DLGAP2: variants seen among roughly 807,000 people sequenced by gnomAD.
DLGAP2 encodes disks large-associated protein 2.
DLGAP2 carries 26 observed loss-of-function variants against 100.3 expected under a neutral mutation model. The ratio of observed to expected loss-of-function variants is 0.26; its 90% CI spans 0.19 to 0.36. The LOEUF (loss-of-function observed/expected upper bound fraction) is 0.36. DLGAP2 is among the 10% of genes least tolerant of loss of function. DLGAP2 has a pLI of 1.00. For synonymous variants in DLGAP2, 886 were observed against 630.1 expected (o/e 1.41, Z -6.08); for missense variants, 1,858 against 1,453.2 (o/e 1.28, Z -4.53).
intron 2 of DLGAP2, among the ~76,000 whole-genome samples, chr8:943,708 C>T (rs531212320): frequency 6.6e-5 from 10 of 152,134 alleles, no homozygotes; most frequent in Admixed American, 4.6e-4. Context: ...GGCATGTAGA[C>T]GTCGTGATGT....
intron 2 of DLGAP2, among the ~76,000 whole-genome samples, chr8:1,003,579 C>G (rs1483325658): frequency 2.0e-5 from 3 of 152,220 alleles, no homozygotes; most frequent in Non-Finnish European, 4.4e-5. Context: ...GCCACTGTTC[C>G]TGATGGCCAA....
In DLGAP2 at chr8:1,322,411, C is replaced by T. The variant is rs113491685; in HGVS notation, c.106+63528C>T. ...CATGGAAATGCATGTACCCACCCGG[C>T]GTGCTGGATCCTGCTTCTGTGACTT... On this transcript the variant is annotated intron_variant, in intron 3 of 14. Coordinates refer to ENST00000637795, the MANE Select transcript of DLGAP2 (RefSeq NM_001346810.2). Among the ~76,000 whole-genome samples the T allele has an allele frequency of 2.3e-3, 343 of 152,342 alleles. 2 individuals are homozygous for T. The highest frequency in any genetic ancestry group is 7.1e-3 in the African/African-American group (296 of 41,576).
intron 4 of DLGAP2, among the ~76,000 whole-genome samples, chr8:1,546,083 A>G (rs1197391771): frequency 6.6e-6 from 1 of 152,234 alleles, no homozygotes; most frequent in South Asian, 2.1e-4. Flanking sequence ...GCTTTTAATT[A>G]TATTAAAATA....
At chr8:1,141,842 G>A (rs537932065) in intron 2 of DLGAP2, among the ~76,000 whole-genome samples, 12 of 152,220 alleles carry the variant, frequency 7.9e-5, no homozygotes, top group Admixed American at 4.6e-4. Context: ...TGATGCTTAT[G>A]TTTAGATTTT....
intron 1 of DLGAP2, among the ~76,000 whole-genome samples, chr8:773,648 T>C (rs1821427714): frequency 6.6e-6 from 1 of 151,866 alleles, no homozygotes; most frequent in African/African-American, 2.4e-5. Context: ...ATTTCCAATT[T>C]CATCCATGTC....
rs183782418 is a variant in DLGAP2, at chr8:1,200,862, C to T, written c.74-57989C>T. On this transcript the variant is annotated intron_variant, in intron 2 of 14. Coordinates refer to ENST00000637795, the MANE Select transcript of DLGAP2 (RefSeq NM_001346810.2). Reference sequence around the variant, plus strand: ...CCGTTCCCACATATCGGTTTGGCATCGAACGATGCGTCCGCTGCTGGCTCC... The same window carrying T: ...CCGTTCCCACATATCGGTTTGGCATTGAACGATGCGTCCGCTGCTGGCTCC... 3.3e-5 allele frequency among the ~76,000 whole-genome samples: 5 copies of T among 152,236 alleles called. No homozygotes were observed. In the East Asian group the frequency reaches 7.7e-4, roughly 23 times the overall value.
intron 3 of DLGAP2, among the ~76,000 whole-genome samples, chr8:1,342,236 C>T (rs551322928): frequency 2.7e-4 from 41 of 152,166 alleles, no homozygotes; most frequent in Non-Finnish European, 3.2e-4. Flanking sequence ...TGTGAGCCAC[C>T]GCACCTGGCC....
At chr8:916,758 C>A (rs1798602809) in intron 2 of DLGAP2, among the ~76,000 whole-genome samples, 1 of 152,252 alleles carries the variant, frequency 6.6e-6, no homozygotes, top group South Asian at 2.1e-4. Flanking sequence ...GTTGTGATTT[C>A]AAGGCAAATG....
In DLGAP2 at chr8:1,678,334, C is replaced by T. The variant is rs1798859949; in HGVS notation, c.2409C>T (p.Phe803=). 1 of 1,614,042 alleles carries T rather than the reference C, an allele frequency of 6.2e-7. No individual in the cohort carries two copies. Among genetic ancestry groups the T allele is most frequent in the Non-Finnish European group, 8.5e-7 (1 of 1,179,898 alleles). ...AAGGCCTTCAGTTCGGCTCATCCTT[C>T]CAGCGGCACTCCGAGCCCAGCACCC... ...EDKGLQFGSS[F]QRHSEPSTPT... The change falls in exon 12 of 15, where the codon TTC becomes TTT. Residue 803 remains phenylalanine (F), a synonymous_variant. Coordinates refer to ENST00000637795, the MANE Select transcript of DLGAP2 (RefSeq NM_001346810.2).
chr8:910,430 C>A (rs968521336), intron 2 of DLGAP2: 1 of 152,164 alleles, frequency 6.6e-6, no homozygotes, highest in Non-Finnish European at 1.5e-5. Context: ...GTTACTTTCC[C>A]ATACGGTCTT....
chr8:1,360,300 C>T lies in DLGAP2; in HGVS notation c.106+101417C>T, dbSNP rs1178890427. ...TCTCTGGGGCGGGGCTTCTCCGGGG[C>T]GGGGCTTCTCCGGGGCGGGGCTTCT... On this transcript the variant is annotated intron_variant, in intron 3 of 14. Coordinates refer to ENST00000637795, the MANE Select transcript of DLGAP2 (RefSeq NM_001346810.2). 2.3e-3 allele frequency among the ~76,000 whole-genome samples: 80 copies of T among 34,732 alleles called. 2 individuals are homozygous for T. The highest frequency in any genetic ancestry group is 6.0e-3 in the African/African-American group (70 of 11,730). 22.8% of individuals were successfully genotyped at this position (34,732 alleles called of 152,430 possible).
chr8:1,547,841 G>C, intron 4 of DLGAP2, among the ~76,000 whole-genome samples: 1 of 152,200 alleles, frequency 6.6e-6, no homozygotes, highest in East Asian at 1.9e-4. Context: ...CCTCGAGAAA[G>C]CTCCTCCCAT....
At chr8:1,240,446 G>A (rs1206951079) in intron 2 of DLGAP2, among the ~76,000 whole-genome samples, 1 of 148,474 alleles carries the variant, frequency 6.7e-6, no homozygotes, top group African/African-American at 2.5e-5. Flanking sequence ...CTGTCACATG[G>A]CGCCATGTCT....
intron 4 of DLGAP2, among the ~76,000 whole-genome samples, chr8:1,510,760 T>G (rs1800133369): frequency 6.6e-6 from 1 of 152,152 alleles, no homozygotes; most frequent in African/African-American, 2.4e-5. Context: ...CTTTTGAGTA[T>G]CCACACTGCT....
chr8:916,553 T>C (rs1273425902), intron 2 of DLGAP2, among the ~76,000 whole-genome samples: 1 of 152,124 alleles, frequency 6.6e-6, no homozygotes, highest in Admixed American at 6.5e-5. Context: ...AAATACCTAA[T>C]GTAAATGATG....
chr8:1,676,666 T>C, intron 11 of DLGAP2, 48 bp downstream of exon 11: 1 of 1,559,634 alleles, frequency 6.4e-7, no homozygotes, highest in Non-Finnish European at 8.7e-7. Flanking sequence ...CGAGGGCTCT[T>C]TGTCAAAGGC....
At chr8:1,680,283 C>T (rs763916671) in intron 12 of DLGAP2, among the ~76,000 whole-genome samples, 3 of 152,218 alleles carry the variant, frequency 2.0e-5, no homozygotes, top group Non-Finnish European at 2.9e-5. Flanking sequence ...TTGTCCCTGA[C>T]ATTTCATTTC....
chr8:1,137,511 A>C (rs532469219), intron 2 of DLGAP2: 1 of 152,370 alleles, frequency 6.6e-6, no homozygotes, highest in Non-Finnish European at 1.5e-5. Context: ...TTCTTACTCT[A>C]TGCATTGGAG....
chr8:1,033,440 G>T (rs781457805), intron 2 of DLGAP2, among the ~76,000 whole-genome samples: 5 of 152,170 alleles, frequency 3.3e-5, no homozygotes, highest in Non-Finnish European at 4.4e-5. Context: ...GCTGAGGCGG[G>T]CAGATTGCCT....
Sources: allele counts gnomAD v4.1 joint callset (sites outside exome capture counted in the v4.1 genomes callset), GRCh38; gene constraint gnomAD v4.1.1; transcripts MANE v1.5; gene names NCBI Gene and HGNC (gene_info 2026-07-23, HGNC 2026-07-21).